The following CTNNBL1 variants were observed in gnomAD, a reference collection of about 807,000 sequenced individuals.
The protein encoded by CTNNBL1 is catenin beta like 1, also known as beta-catenin-like protein 1.
Under a neutral mutation model 72.7 loss-of-function variants are expected in CTNNBL1, and 31 were observed. The ratio of observed to expected loss-of-function variants is 0.43; its 90% CI spans 0.32 to 0.58. The LOEUF (loss-of-function observed/expected upper bound fraction) is 0.58. Ranked by LOEUF, CTNNBL1 falls within the 20% of genes least tolerant of loss-of-function variation. The probability of loss-of-function intolerance (pLI) is 0.08; values close to 1 mark genes in which losing one functional copy is unlikely to be tolerated. For synonymous variants in CTNNBL1, 240 were observed against 267.3 expected (o/e 0.90, Z 1.00); for missense variants, 534 against 725.1 (o/e 0.74, Z 3.03).
At chr20:37,704,683 C>T (rs1468261547) in intron 1 of CTNNBL1, among the ~76,000 whole-genome samples, 2 of 151,918 alleles carry the variant, frequency 1.3e-5, no homozygotes, top group Non-Finnish European at 2.9e-5. Flanking sequence ...TGCACTCCAG[C>T]CTGGATGACA....
At chr20:37,810,802 C>T (rs1236315737) in intron 11 of CTNNBL1, among the ~76,000 whole-genome samples, 1 of 152,152 alleles carries the variant, frequency 6.6e-6, no homozygotes, top group Non-Finnish European at 1.5e-5. Flanking sequence ...TGATGAAGAA[C>T]ATGAGTTTTG....
chr20:37,866,487 C>G (rs1281597174), intron 15 of CTNNBL1, among the ~76,000 whole-genome samples: 10 of 152,324 alleles, frequency 6.6e-5, no homozygotes, highest in Non-Finnish European at 1.3e-4. Flanking sequence ...GAACCTGTCT[C>G]AGAAGGCTGC....
rs1328685043 is a variant in CTNNBL1, at chr20:37,717,435, A to AT, written c.31-15443dup. Among the ~76,000 whole-genome samples the AT allele has an allele frequency of 2.4e-3, 360 of 152,316 alleles. 4 individuals carry two copies. Among genetic ancestry groups the AT allele is most frequent in the African/African-American group, 8.2e-3 (341 of 41,566 alleles). On this transcript the variant is annotated intron_variant, in intron 1 of 15. Coordinates refer to ENST00000361383, the MANE Select transcript of CTNNBL1 (RefSeq NM_030877.5). The stretch of plus-strand genomic sequence containing the variant: ...AGTATCAGCATTTGTGTCATCCTAA[A>AT]TAGCAAAGTAAATTTATTGTATCTG...
At chr20:37,805,803 A>C (rs1253132963) in intron 11 of CTNNBL1, among the ~76,000 whole-genome samples, 1 of 152,220 alleles carries the variant, frequency 6.6e-6, no homozygotes, top group East Asian at 1.9e-4. Context: ...CTCTGCCTTC[A>C]TAGCCCTTGA....
chr20:37,698,331 G>A (rs1272990374), intron 1 of CTNNBL1, among the ~76,000 whole-genome samples: 1 of 152,156 alleles, frequency 6.6e-6, no homozygotes, highest in Non-Finnish European at 1.5e-5. Context: ...CTTCCCCATC[G>A]CAGGTTCCCC....
intron 11 of CTNNBL1, among the ~76,000 whole-genome samples, chr20:37,839,093 G>T (rs141714024): frequency 3.9e-5 from 6 of 152,154 alleles, no homozygotes; most frequent in African/African-American, 1.4e-4. Context: ...GAAATCTAAG[G>T]ACTGAATAAC....
chr20:37,788,037 GTTA>G (rs571771467), intron 10 of CTNNBL1, among the ~76,000 whole-genome samples: 1 of 151,968 alleles, frequency 6.6e-6, no homozygotes, highest in South Asian at 2.1e-4. Flanking sequence ...GACACATTTT[GTTA>G]TTATTATTAT....
intron 1 of CTNNBL1, among the ~76,000 whole-genome samples, chr20:37,708,893 C>CT (rs1393920139): frequency 6.6e-6 from 1 of 152,122 alleles, no homozygotes; most frequent in African/African-American, 2.4e-5. Flanking sequence ...AATCCCAGCA[C>CT]TTTGGGACGC....
chr20:37,785,870 T>TA (rs2073668636), intron 10 of CTNNBL1, among the ~76,000 whole-genome samples: 2 of 152,220 alleles, frequency 1.3e-5, no homozygotes, highest in African/African-American at 4.8e-5. Flanking sequence ...GGCTTGTTTG[T>TA]ATTCATCCTT....
At position 37,842,330 on chromosome 20, in the gene CTNNBL1, C is replaced by G; in HGVS notation, c.1312-9C>G. ...CTTCTCACTCAAGCCTGTGAAATCTCTCTTTCAGGTTGACAGACTAATGGA... is the reference window on the plus strand; with the variant it reads ...CTTCTCACTCAAGCCTGTGAAATCTGTCTTTCAGGTTGACAGACTAATGGA... On this transcript the variant is annotated splice_polypyrimidine_tract_variant and intron_variant, in intron 12 of 15. Transcript: ENST00000361383. The G allele has an allele frequency of 1.2e-6, 2 of 1,601,284 alleles. No individual in the cohort carries two copies. The highest frequency in any genetic ancestry group is 2.2e-5 in the South Asian group (2 of 90,802).
At chr20:37,766,248 C>T (rs548489695) in intron 6 of CTNNBL1, among the ~76,000 whole-genome samples, 5 of 152,090 alleles carry the variant, frequency 3.3e-5, no homozygotes, top group African/African-American at 7.2e-5. Context: ...CTGGATTTTG[C>T]GGTATCAAAA....
chr20:37,743,143 A>G (rs1600457510), intron 3 of CTNNBL1, among the ~76,000 whole-genome samples: 1 of 147,520 alleles, frequency 6.8e-6, no homozygotes, highest in Non-Finnish European at 1.5e-5. Context: ...TGCACTCAGC[A>G]CAATTTTTTT....
At chr20:37,829,895 G>A (rs992994678) in intron 11 of CTNNBL1, among the ~76,000 whole-genome samples, 12 of 152,258 alleles carry the variant, frequency 7.9e-5, no homozygotes, top group South Asian at 2.1e-4. Flanking sequence ...GCAGTAGTGC[G>A]ATCATGGCTC....
Position 37,802,920 on chromosome 20 carries a change from T to A in CTNNBL1, c.1085T>A (p.Ile362Asn). ...SALKVLDHAM[I>N]GPEGTDNCHK... ...CTGAAAGTGCTGGACCATGCCATGA[T>A]TGGCCCCGAAGGCACAGACAACTGC... Residue 362 changes from isoleucine to asparagine, a missense_variant, in exon 11 of 16, where the codon ATT (isoleucine) becomes AAT (asparagine). By Grantham distance (149) the Ile-to-Asn change is moderately radical (BLOSUM62 -3). Coordinates refer to ENST00000361383, the MANE Select transcript of CTNNBL1 (RefSeq NM_030877.5). 1 of 1,614,122 alleles carries A rather than the reference T, an allele frequency of 6.2e-7. No individual in the cohort carries two copies. Among genetic ancestry groups the A allele is most frequent in the East Asian group, 2.2e-5 (1 of 44,862 alleles).
At chr20:37,772,065 C>G (rs1032306159) in intron 7 of CTNNBL1, among the ~76,000 whole-genome samples, 7 of 152,230 alleles carry the variant, frequency 4.6e-5, no homozygotes, top group African/African-American at 1.4e-4. Context: ...CCTCATGGAG[C>G]ATCTTCTCTC....
rs1303825925 is a variant in CTNNBL1, at chr20:37,731,238, CT to C, written c.31-1627del. Among the ~76,000 whole-genome samples the C allele has an allele frequency of 8.2e-3, 1,184 of 144,308 alleles. 32 individuals are homozygous for C. The highest frequency in any genetic ancestry group is 0.051 in the Admixed American group (741 of 14,468). The allele number at this position is 144,308 out of a possible 152,430, so 94.7% of individuals were successfully genotyped here. A position where few individuals can be genotyped will look rare whatever the true frequency, so the allele number is the denominator to read the frequency against. On this transcript the variant is annotated intron_variant, in intron 1 of 15. Transcript: ENST00000361383. Reference sequence around the variant, plus strand: ...AGCTTATCTTCCTGTTTAACTGAAACTTTTTTTTTTTTTTGAGACGGAGTTT... The same window carrying C: ...AGCTTATCTTCCTGTTTAACTGAAACTTTTTTTTTTTTTGAGACGGAGTTT...
chr20:37,699,869 A>G (rs2072825078), intron 1 of CTNNBL1, among the ~76,000 whole-genome samples: 2 of 152,070 alleles, frequency 1.3e-5, no homozygotes, highest in Admixed American at 1.3e-4. Context: ...TCTTGTGGGC[A>G]TTGGTTTGCA....
intron 13 of CTNNBL1, among the ~76,000 whole-genome samples, chr20:37,847,347 G>A (rs1035576621): frequency 8.5e-5 from 13 of 152,120 alleles, no homozygotes; most frequent in African/African-American, 3.1e-4. Context: ...TGTATTCAAA[G>A]TCTGTGAGAT....
intron 2 of CTNNBL1, among the ~76,000 whole-genome samples, chr20:37,733,292 G>T (rs2073145627): frequency 6.6e-6 from 1 of 152,158 alleles, no homozygotes; most frequent in Non-Finnish European, 1.5e-5. Context: ...TCCATATTAT[G>T]TACTGTAGGG....
Sources: gnomAD v4.1 joint callset for allele counts (sites outside exome capture counted in the v4.1 genomes callset) on GRCh38, gnomAD v4.1.1 for gene constraint, MANE v1.5 for transcripts, NCBI Gene and HGNC (gene_info 2026-07-23, HGNC 2026-07-21) for gene names.